INSL5: variants seen among roughly 807,000 people sequenced by gnomAD.
The protein encoded by INSL5 is insulin-like peptide INSL5.
A neutral mutation model predicts 4.3 loss-of-function variants in INSL5; 3 were observed. The ratio of observed to expected loss-of-function variants is 0.70; its 90% CI spans 0.32 to 1.82. INSL5 has a LOEUF of 1.82. Among genes scored for constraint, INSL5 ranks in the 40% most tolerant of loss-of-function variants. The pLI, the probability that INSL5 is intolerant of heterozygous loss-of-function variation, is 0.08. For synonymous variants in INSL5, 68 were observed against 56.6 expected (o/e 1.20, Z -0.90); for missense variants, 168 against 160.9 (o/e 1.04, Z -0.24).
intron 1 of INSL5, 64 bp downstream of exon 1, chr1:66,800,983 C>G: frequency 1.6e-6 from 2 of 1,248,128 alleles, no homozygotes; most frequent in East Asian, 4.7e-5. Context: ...GTTTAAAACA[C>G]AGCTTGAAAA....
rs764889673 is a variant in INSL5 at position 66,798,083 on chromosome 1, G to C, written c.338C>G (p.Ser113Ter). The C allele has an allele frequency of 2.5e-6, 4 of 1,613,980 alleles. No individual in the cohort carries two copies. In the African/African-American group the frequency reaches 5.3e-5, roughly 22 times the overall value. Residue 113 changes from serine to a stop codon, truncating the protein, a stop_gained, in exon 2 of 2, where the codon TCA becomes TGA. Transcript: ENST00000304526. LOFTEE classifies it low-confidence loss of function (END_TRUNC). ...LWKSKKHSVM[S>*]RQDLQTLCCT... ...ACACAAAGTTTGTAAATCTTGTCTT[G>C]ACATCACTGAATGCTTCTTTGACTT...
intron 1 of INSL5, 64 bp downstream of exon 1, chr1:66,800,983 C>T: frequency 8.0e-7 from 1 of 1,248,128 alleles, no homozygotes; most frequent in African/African-American, 1.5e-5. Flanking sequence ...GTTTAAAACA[C>T]AGCTTGAAAA....
At chr1:66,798,471 A>C (rs147153238) in intron 1 of INSL5, among the ~76,000 whole-genome samples, 2 of 152,184 alleles carry the variant, frequency 1.3e-5, no homozygotes, top group Non-Finnish European at 2.9e-5. Flanking sequence ...GAGTGCAAAG[A>C]TGAGGAGTGA....
chr1:66,801,229 A>C lies in INSL5; in HGVS notation c.-8T>G. 6.2e-7 allele frequency: 1 copy of C among 1,607,804 alleles called. No individual in the cohort carries two copies. The highest frequency in any genetic ancestry group is 8.5e-7 in the Non-Finnish European group (1 of 1,175,550). ...GAAAATGGAGCCCTTCATTTTGCTG[A>C]GGACTGAATGTGAATCTGATATGGT... On this transcript the variant is annotated 5_prime_UTR_variant, in exon 1 of 2. Coordinates refer to ENST00000304526, the MANE Select transcript of INSL5 (RefSeq NM_005478.6).
Position 66,798,113 on chromosome 1 carries a change from AG to A in INSL5, c.307del (p.Leu103PhefsTer9). On this transcript the variant is annotated frameshift_variant, in exon 2 of 2. Transcript: ENST00000304526. LOFTEE classifies it low-confidence loss of function (END_TRUNC). ...CACTGAATGCTTCTTTGACTTCCAA[AG>A]CTCTTCAGTGGGCATCTGTCCACCC... Reference protein sequence around the residue: ...LWGGQMPTEELWKSKKHSVMS... With the variant: ...LWGGQMPTEEXWKSKKHSVMS... 6.2e-7 allele frequency: 1 copy of A among 1,614,076 alleles called. No homozygotes were observed. Among genetic ancestry groups the A allele is most frequent in the Non-Finnish European group, 8.5e-7 (1 of 1,179,996 alleles).
Position 66,797,997 on chromosome 1 carries a change from G to C in INSL5, c.*16C>G, listed in dbSNP as rs747335323. On this transcript the variant is annotated 3_prime_UTR_variant, in exon 2 of 2. Coordinates refer to ENST00000304526, the MANE Select transcript of INSL5 (RefSeq NM_005478.6). ...TGTGATAAAGCTCTGCCACCCATTG[G>C]GTATTTGCTCTTGTCTTAGCAAAGA... The C allele has an allele frequency of 3.3e-6, 5 of 1,533,734 alleles. No individual in the cohort carries two copies. The South Asian group carries it at 5.6e-5, about 17-fold the overall frequency.
chr1:66,799,223 C>A (rs1645359295), intron 1 of INSL5, among the ~76,000 whole-genome samples: 1 of 152,164 alleles, frequency 6.6e-6, no homozygotes, highest in Non-Finnish European at 1.5e-5. Context: ...TTAAATTAAA[C>A]TGAAACCTTA....
intron 1 of INSL5, among the ~76,000 whole-genome samples, chr1:66,799,156 AC>A (rs1645359082): frequency 6.6e-6 from 1 of 152,218 alleles, no homozygotes. Context: ...ACATTAGCCC[AC>A]CCAAAGATGA....
In INSL5 at chr1:66,801,054, A is replaced by T. The variant is rs1453205215; in HGVS notation, c.168T>A (p.Ala56=). The change falls in exon 1 of 2, where the codon GCT becomes GCA. Residue 56 remains alanine (A), a synonymous_variant. Transcript: ENST00000304526. Reference sequence around the variant, plus strand: ...CACATGAGTTACTGTTACCTTGCTGAGCTTGAGGGATCCCCTCCTGATGCC... The same window carrying T: ...CACATGAGTTACTGTTACCTTGCTGTGCTTGAGGGATCCCCTCCTGATGCC... ...WRRHQEGIPQ[A]QQAETGNSFQ... 5.0e-6 allele frequency: 8 copies of T among 1,609,560 alleles called. No homozygotes were observed. The highest frequency in any genetic ancestry group is 1.3e-5 in the African/African-American group (1 of 74,914).
chr1:66,801,250 A>T lies in INSL5; in HGVS notation c.-29T>A. On this transcript the variant is annotated 5_prime_UTR_variant, in exon 1 of 2. Coordinates refer to ENST00000304526, the MANE Select transcript of INSL5 (RefSeq NM_005478.6). ...GCTGAGGACTGAATGTGAATCTGAT[A>T]TGGTAAATATAGTCAAATCAAATTC... The T allele has an allele frequency of 1.3e-6, 2 of 1,552,670 alleles. No homozygotes were observed. Among genetic ancestry groups the T allele is most frequent in the Non-Finnish European group, 1.8e-6 (2 of 1,130,884 alleles).
chr1:66,800,750 G>T (rs942575997), intron 1 of INSL5, among the ~76,000 whole-genome samples: 1 of 151,994 alleles, frequency 6.6e-6, no homozygotes, highest in Admixed American at 6.6e-5. Context: ...CACATGCTTC[G>T]CCATAGCCTC....
chr1:66,800,398 CA>C, intron 1 of INSL5, among the ~76,000 whole-genome samples: 1 of 152,064 alleles, frequency 6.6e-6, no homozygotes, highest in East Asian at 1.9e-4. Flanking sequence ...CATTTTGTAA[CA>C]TTCTCTTTCC....
At chr1:66,800,637 C>T (rs1645368822) in intron 1 of INSL5, among the ~76,000 whole-genome samples, 1 of 152,172 alleles carries the variant, frequency 6.6e-6, no homozygotes. Flanking sequence ...AGGTCAGCTT[C>T]TTTCCTTGCA....
At position 66,800,956 on chromosome 1, in the gene INSL5, CA is replaced by C. The variant is rs1645371959; in HGVS notation, c.175+90del. ...AATGCCTCAACAGTACTTAGAGAAA[CA>C]CTTAATAAAATAATGGTTTAAAACA... On this transcript the variant is annotated intron_variant, in intron 1 of 1. Coordinates refer to ENST00000304526, the MANE Select transcript of INSL5 (RefSeq NM_005478.6). The C allele has an allele frequency of 6.2e-6, 6 of 961,810 alleles. No homozygotes were observed. The East Asian group carries it at 1.2e-4, about 20-fold the overall frequency. 59.6% of individuals were successfully genotyped at this position (961,810 alleles called of 1,614,324 possible).
chr1:66,798,145 A>T lies in INSL5; in HGVS notation c.276T>A (p.Arg92=). 1 of 1,614,116 alleles carries T rather than the reference A, an allele frequency of 6.2e-7. No homozygotes were observed. The highest frequency in any genetic ancestry group is 2.2e-5 in the East Asian group (1 of 44,878). Residue 92 remains arginine (R), a synonymous_variant, in exon 2 of 2, where the codon CGT becomes CGA. Transcript: ENST00000304526. ...LPKVDASGED[R]LWGGQMPTEE... Reference sequence around the variant, plus strand: ...CAGTGGGCATCTGTCCACCCCAAAGACGGTCTTCCCCTGAGGCATCCACCT... The same window carrying T: ...CAGTGGGCATCTGTCCACCCCAAAGTCGGTCTTCCCCTGAGGCATCCACCT...
chr1:66,799,685 C>G (rs1271202928), intron 1 of INSL5, among the ~76,000 whole-genome samples: 1 of 151,970 alleles, frequency 6.6e-6, no homozygotes, highest in African/African-American at 2.4e-5. Flanking sequence ...TGTATGTATA[C>G]CTATTTCAAA....
Position 66,801,198 on chromosome 1 carries a change from CAG to C in INSL5, c.22_23del (p.Leu8ValfsTer35), listed in dbSNP as rs1353412222. 5 of 1,613,274 alleles carry C rather than the reference CAG, an allele frequency of 3.1e-6. No individual in the cohort carries two copies. Among genetic ancestry groups the C allele is most frequent in the African/African-American group, 1.3e-5 (1 of 74,910 alleles). MKGSIFT[L>X]FLFSVLFAIS... ...TGGCAAATAGGACAGAGAATAAAAA[CAG>C]AGTGAAAATGGAGCCCTTCATTTTG... On this transcript the variant is annotated frameshift_variant, in exon 1 of 2. Transcript: ENST00000304526. LOFTEE classifies it high-confidence loss of function.
chr1:66,798,005 C>A lies in INSL5; in HGVS notation c.*8G>T. On this transcript the variant is annotated 3_prime_UTR_variant, in exon 2 of 2. Transcript: ENST00000304526. ...AGCTCTGCCACCCATTGGGTATTTG[C>A]TCTTGTCTTAGCAAAGAGCACTCAA... 6.3e-7 allele frequency: 1 copy of A among 1,596,378 alleles called. No homozygotes were observed. The highest frequency in any genetic ancestry group is 1.1e-5 in the South Asian group (1 of 90,720).
Position 66,798,061 on chromosome 1 carries a change from CAA to C in INSL5, c.358_359del (p.Leu120ValfsTer4), listed in dbSNP as rs747896827. On this transcript the variant is annotated frameshift_variant, in exon 2 of 2. Transcript: ENST00000304526. LOFTEE classifies it high-confidence loss of function. ...TCATGGAACAGCCATCAGTGCAACA[CAA>C]AGTTTGTAAATCTTGTCTTGACATC... ...SVMSRQDLQT[L>X]CCTDGCSMTD... is the part of the protein sequence containing the mutation. 6.2e-7 allele frequency: 1 copy of C among 1,614,132 alleles called. No individual in the cohort carries two copies. Among genetic ancestry groups the C allele is most frequent in the African/African-American group, 1.3e-5 (1 of 75,048 alleles).
Sources: allele counts gnomAD v4.1 joint callset (sites outside exome capture counted in the v4.1 genomes callset), GRCh38; gene constraint gnomAD v4.1.1; transcripts MANE v1.5; gene names NCBI Gene and HGNC (gene_info 2026-07-23, HGNC 2026-07-21).